DENND2B: variants seen among roughly 807,000 people sequenced by gnomAD.
The protein encoded by DENND2B is DENN domain containing 2B.
DENND2B carries 32 observed loss-of-function variants against 116.0 expected under a neutral mutation model. The ratio of observed to expected loss-of-function variants is 0.28; its 90% CI spans 0.21 to 0.37. The LOEUF is 0.37. Among genes scored for constraint, DENND2B ranks in the 10% least tolerant of loss-of-function variants. The pLI, the probability that DENND2B is intolerant of heterozygous loss-of-function variation, is 1.00. For synonymous variants in DENND2B, 588 were observed against 583.9 expected, an observed-to-expected ratio of 1.01 and a Z score of -0.10; for missense variants, 1,276 against 1,477.7, an observed-to-expected ratio of 0.86 and a Z score of 2.24.
At chr11:8,719,078 C>T (rs1379110911) in intron 4 of DENND2B, 5 of 985,558 alleles carry the variant, frequency 5.1e-6, no homozygotes, top group Non-Finnish European at 6.0e-6. Context: ...ACTTGTTCTA[C>T]AGATGTCTGA....
chr11:8,754,768 A>T (rs2053311076), intron 1 of DENND2B, among the ~76,000 whole-genome samples: 1 of 152,268 alleles, frequency 6.6e-6, no homozygotes, highest in African/African-American at 2.4e-5. Context: ...GATACATTCT[A>T]CAACATGAAT....
At chr11:8,835,275 G>A (rs2455604) in intron 4 of DENND2B, among the ~76,000 whole-genome samples, 140,908 of 152,198 alleles carry the variant, frequency 0.93, 66,186 homozygotes, top group East Asian at 1. Flanking sequence ...ATTTTTACGT[G>A]TTTCAAATTG....
At chr11:8,750,540 A>G in intron 2 of DENND2B, 81 bp downstream of exon 2, 1 of 1,165,036 alleles carries the variant, frequency 8.6e-7, no homozygotes, top group Admixed American at 1.8e-5. Flanking sequence ...AGTCAAGATG[A>G]TGACTATTTA....
At chr11:8,844,099 C>A (rs954256605) in intron 3 of DENND2B, among the ~76,000 whole-genome samples, 2 of 152,190 alleles carry the variant, frequency 1.3e-5, no homozygotes, top group Non-Finnish European at 2.9e-5. Flanking sequence ...TAAATATTGG[C>A]ATTTTATAAA....
At chr11:8,824,203 C>CT (rs140701230) in intron 4 of DENND2B, among the ~76,000 whole-genome samples, 2,937 of 147,184 alleles carry the variant, frequency 0.02, 36 homozygotes, top group Non-Finnish European at 0.032. Context: ...TGCCTGGCCT[C>CT]TTTTTTTTTT....
intron 1 of DENND2B, chr11:8,774,082 T>G: frequency 1.0e-6 from 1 of 982,766 alleles, no homozygotes; most frequent in Non-Finnish European, 1.2e-6. Context: ...CGAAGTGCTG[T>G]TGTACAGATT....
At position 8,766,223 on chromosome 11, in the gene DENND2B, G is replaced by C. The variant is rs551862367; in HGVS notation, c.-25-15498C>G. Among the ~76,000 whole-genome samples, 14 of 152,262 alleles carry C rather than the reference G, an allele frequency of 9.2e-5. No individual in the cohort carries two copies. In the East Asian group the frequency reaches 2.5e-3, roughly 27 times the overall value. ...CCAGGGCAGGCCCAACCCAGCCCCA[G>C]AAGTGGGCAGGAGTCAACATTCAGG... is the stretch of plus-strand genomic sequence containing the variant. On this transcript the variant is annotated intron_variant, in intron 1 of 19. Coordinates refer to ENST00000313726, the MANE Select transcript of DENND2B (RefSeq NM_213618.2).
intron 4 of DENND2B, among the ~76,000 whole-genome samples, chr11:8,819,622 T>A (rs2061691867): frequency 6.6e-6 from 1 of 152,242 alleles, no homozygotes; most frequent in African/African-American, 2.4e-5. Flanking sequence ...TCTGTGGTGC[T>A]CTTCCCAAAT....
intron 6 of DENND2B, 93 bp from the exon 7 acceptor site, chr11:8,714,799 G>C: frequency 6.4e-6 from 7 of 1,095,954 alleles, no homozygotes; most frequent in Non-Finnish European, 6.8e-6. Flanking sequence ...TGCCCTTAAT[G>C]GTACAAGCTT....
At chr11:8,854,014 T>TG (rs2063106209) in intron 3 of DENND2B, among the ~76,000 whole-genome samples, 3 of 121,512 alleles carry the variant, frequency 2.5e-5, no homozygotes, top group Non-Finnish European at 5.1e-5. Flanking sequence ...ATGCCCCAGT[T>TG]AATTTTTTTT....
intron 4 of DENND2B, among the ~76,000 whole-genome samples, chr11:8,817,768 T>C (rs2061620494): frequency 6.6e-6 from 1 of 152,112 alleles, no homozygotes; most frequent in Non-Finnish European, 1.5e-5. Flanking sequence ...TGCTTCAGTT[T>C]CTTGGAGTCT....
At chr11:8,862,393 A>C (rs150564894) in intron 2 of DENND2B, among the ~76,000 whole-genome samples, 356 of 133,924 alleles carry the variant, frequency 2.7e-3, no homozygotes, top group Middle Eastern at 5.1e-3. Context: ...TCAGTGCCAC[A>C]GTCTCGACTC....
intron 1 of DENND2B, among the ~76,000 whole-genome samples, chr11:8,804,189 A>G (rs972668128): frequency 6.6e-6 from 1 of 151,844 alleles, no homozygotes; most frequent in African/African-American, 2.4e-5. Context: ...ATTGGCCCCT[A>G]CTCCTTCCTC....
At chr11:8,859,193 T>C (rs903401490) in intron 2 of DENND2B, among the ~76,000 whole-genome samples, 9 of 152,342 alleles carry the variant, frequency 5.9e-5, no homozygotes, top group African/African-American at 2.2e-4. Context: ...ATTCTTTAGG[T>C]AACAATTATA....
chr11:8,907,665 C>G (rs1303845928), intron 1 of DENND2B, among the ~76,000 whole-genome samples: 1 of 151,884 alleles, frequency 6.6e-6, no homozygotes, highest in East Asian at 1.9e-4. Flanking sequence ...CATTAAAGTT[C>G]ATGTAGGTAG....
In DENND2B at chr11:8,711,225, G is replaced by C. The variant is rs757945529; in HGVS notation, c.2179C>G (p.Arg727Gly). 1 of 1,613,694 alleles carries C rather than the reference G, an allele frequency of 6.2e-7. No individual in the cohort carries two copies. The highest frequency in any genetic ancestry group is 1.1e-5 in the South Asian group (1 of 91,080). Residue 727 changes from arginine to glycine, a missense_variant, in exon 10 of 20, where the codon CGA becomes GGA. Physicochemically the swap from Arg to Gly is moderately radical, Grantham distance 125 (BLOSUM62 -2). Around this residue, in one of 2 missense-constraint regions of DENND2B, gnomAD observed 420 missense variants for 631.1 expected, o/e 0.67. Coordinates refer to ENST00000313726, the MANE Select transcript of DENND2B (RefSeq NM_213618.2). ...EVSYQFPKLD[R>G]PTKQMREAEE... ...GCCTCTCGCATCTGCTTGGTGGGTCGGTCCAGCTGCAGGGAAGAAGGAACC... is the reference window on the plus strand; with the variant it reads ...GCCTCTCGCATCTGCTTGGTGGGTCCGTCCAGCTGCAGGGAAGAAGGAACC...
In DENND2B at chr11:8,777,220, T is replaced by C. The variant is rs191720612; in HGVS notation, c.-25-26495A>G. On this transcript the variant is annotated intron_variant, in intron 1 of 19. Coordinates refer to ENST00000313726, the MANE Select transcript of DENND2B (RefSeq NM_213618.2). The stretch of plus-strand genomic sequence containing the variant: ...CTGGAGAGAAGCAGCTGCTATGAGC[T>C]TCCAGTGTGCCACCCCCACCCAGGC... Among the ~76,000 whole-genome samples, 4 of 152,246 alleles carry C rather than the reference T, an allele frequency of 2.6e-5. No homozygotes were observed. In the East Asian group the frequency reaches 7.7e-4, roughly 29 times the overall value.
chr11:8,730,282 G>C lies in DENND2B; in HGVS notation c.1008C>G (p.Ser336Arg), dbSNP rs781294355. The change falls in exon 3 of 20, where the codon AGC becomes AGG. Residue 336 changes from serine (S) to arginine (R), a missense_variant. Physicochemically the swap from Ser to Arg is moderately radical, Grantham distance 110. Around this residue, in one of 2 missense-constraint regions of DENND2B, gnomAD observed 856 missense variants for 846.6 expected, o/e 1.01. Transcript: ENST00000313726. This position sits in a 1 kb window ranked among gnomAD's most constrained non-coding sequence, Gnocchi z 4.1. ...PAGGASVSAG[S>R]RAVGVAGVAG... ...CAACACCAGCCACTCCGACTGCCCG[G>C]CTGCCAGCGCTCACACTCGCGCCCC... 2 of 1,608,672 alleles carry C rather than the reference G, an allele frequency of 1.2e-6. No individual in the cohort carries two copies. Among genetic ancestry groups the C allele is most frequent in the East Asian group, 4.5e-5 (2 of 44,870 alleles).
At chr11:8,818,526 C>T (rs886883233) in intron 4 of DENND2B, among the ~76,000 whole-genome samples, 1 of 152,030 alleles carries the variant, frequency 6.6e-6, no homozygotes, top group Non-Finnish European at 1.5e-5. Context: ...AAGTGTGAGC[C>T]CAGACTGTGC....
Sources: gnomAD v4.1 joint callset for allele counts (sites outside exome capture counted in the v4.1 genomes callset) on GRCh38, gnomAD v4.1.1 for gene constraint, gnomAD v4.1.1 regional missense constraint, Gnocchi (gnomAD v3.1) non-coding constraint, MANE v1.5 for transcripts, NCBI Gene and HGNC (gene_info 2026-07-23, HGNC 2026-07-21) for gene names.